The following FSTL4 variants were observed in gnomAD, a reference collection of about 807,000 sequenced individuals.
FSTL4 encodes the protein follistatin like 4.
FSTL4 carries 28 observed loss-of-function variants against 78.2 expected under a neutral mutation model. That is an observed-to-expected ratio of 0.36 (90% CI 0.27 to 0.49). The LOEUF (loss-of-function observed/expected upper bound fraction) is 0.49. Among genes scored for constraint, FSTL4 ranks in the 20% least tolerant of loss-of-function variants. FSTL4 has a pLI of 0.98. For missense variants in FSTL4, 922 were observed against 1,084.9 expected (o/e 0.85, Z 2.11); for synonymous variants, 422 against 440.5 (o/e 0.96, Z 0.53).
At chr5:133,797,186 G>A in the FSTL4 span, among the ~76,000 whole-genome samples, 1 of 152,238 alleles carries the variant, frequency 6.6e-6, no homozygotes, top group Non-Finnish European at 1.5e-5. Context: ...AGGGAGGCAG[G>A]AGTTACAGGC....
chr5:133,715,993 G>A, the FSTL4 span, among the ~76,000 whole-genome samples: 3 of 152,158 alleles, frequency 2.0e-5, no homozygotes, highest in African/African-American at 4.8e-5. Context: ...GCACCATGCC[G>A]GCTCCTTAAG....
chr5:133,263,113 T>G (rs547476914), intron 6 of FSTL4, among the ~76,000 whole-genome samples: 2 of 151,820 alleles, frequency 1.3e-5, no homozygotes, highest in Admixed American at 6.6e-5. Context: ...AATACTGGGG[T>G]TTTGGCCTGA....
chr5:133,788,600 G>A, the FSTL4 span, among the ~76,000 whole-genome samples: 2 of 152,184 alleles, frequency 1.3e-5, no homozygotes, highest in African/African-American at 4.8e-5. Context: ...TCTGAGCAGA[G>A]GCCAAATAAA....
chr5:133,503,525 G>A (rs917471465), intron 3 of FSTL4, among the ~76,000 whole-genome samples: 1 of 152,138 alleles, frequency 6.6e-6, no homozygotes, highest in Non-Finnish European at 1.5e-5. Context: ...GAGACAAGGA[G>A]ACTCAGCCTC....
chr5:133,570,143 A>G (rs1381488654), intron 2 of FSTL4, among the ~76,000 whole-genome samples: 2 of 151,486 alleles, frequency 1.3e-5, no homozygotes, highest in Non-Finnish European at 2.9e-5. Flanking sequence ...CGGGAGGTGG[A>G]GCTTGCAGTG....
chr5:133,746,435 A>G, the FSTL4 span, among the ~76,000 whole-genome samples: 1 of 152,132 alleles, frequency 6.6e-6, no homozygotes, highest in Non-Finnish European at 1.5e-5. Context: ...TACAAAGCAA[A>G]AAAAAATGTA....
chr5:133,265,905 T>C (rs1752630987), intron 6 of FSTL4, among the ~76,000 whole-genome samples: 1 of 151,970 alleles, frequency 6.6e-6, no homozygotes, highest in Non-Finnish European at 1.5e-5. Flanking sequence ...CTGAGTGTGG[T>C]TGGGACTTCA....
rs545337917 is a variant in FSTL4, at chr5:133,366,874, T to A, written c.409+33864A>T. Among the ~76,000 whole-genome samples the A allele has an allele frequency of 1.4e-3, 210 of 152,230 alleles. 4 individuals carry two copies. The highest frequency in any genetic ancestry group is 8.1e-3 in the Admixed American group (124 of 15,298). On this transcript the variant is annotated intron_variant, in intron 4 of 15. Transcript: ENST00000265342. ...TAATAGCTTGAAAAGGCCAAAAAAA[T>A]TCCTACAATTCCCTTTGCTTAATTT...
chr5:133,297,532 G>T (rs185100230), intron 6 of FSTL4, among the ~76,000 whole-genome samples: 1 of 152,164 alleles, frequency 6.6e-6, no homozygotes, highest in East Asian at 1.9e-4. Context: ...AATGAGACAC[G>T]TGGTATCTTT....
the FSTL4 span, among the ~76,000 whole-genome samples, chr5:133,641,452 T>G: frequency 4.6e-5 from 7 of 152,202 alleles, no homozygotes; most frequent in Admixed American, 2.0e-4. Context: ...CTTTCTTTGC[T>G]GAGAGGCACT....
chr5:133,381,870 C>T (rs1297780243), intron 4 of FSTL4, among the ~76,000 whole-genome samples: 1 of 152,220 alleles, frequency 6.6e-6, no homozygotes, highest in Admixed American at 6.5e-5. Flanking sequence ...GGCCGGGATG[C>T]CGTGGACTGA....
intron 3 of FSTL4, among the ~76,000 whole-genome samples, chr5:133,478,351 T>C (rs1757961535): frequency 6.6e-6 from 1 of 152,204 alleles, no homozygotes; most frequent in Non-Finnish European, 1.5e-5. Flanking sequence ...AAATTCTAAC[T>C]GTATTGGTGA....
At chr5:133,585,214 C>A in intron 2 of FSTL4, among the ~76,000 whole-genome samples, 1 of 46,138 alleles carries the variant, frequency 2.2e-5, no homozygotes, top group Non-Finnish European at 4.4e-5. Flanking sequence ...TAGGAAGAAA[C>A]TGCATCAACT....
chr5:133,608,881 C>T (rs971781053), intron 1 of FSTL4, among the ~76,000 whole-genome samples: 3 of 152,114 alleles, frequency 2.0e-5, no homozygotes, highest in Non-Finnish European at 4.4e-5. Context: ...ACCCAGAGAA[C>T]GCACACAGGC....
At chr5:133,636,308 C>T in the FSTL4 span, among the ~76,000 whole-genome samples, 42,827 of 152,006 alleles carry the variant, frequency 0.28, 6,339 homozygotes, top group Non-Finnish European at 0.31. Flanking sequence ...GCTCCACTCT[C>T]TGAGTGGGAT....
chr5:133,362,667 T>C (rs576121661), intron 4 of FSTL4, among the ~76,000 whole-genome samples: 1 of 152,342 alleles, frequency 6.6e-6, no homozygotes, highest in Non-Finnish European at 1.5e-5. Context: ...CCCTTGCCCA[T>C]GGAGACTGGA....
At chr5:133,583,528 G>C (rs1760483822) in intron 2 of FSTL4, 7 of 179,582 alleles carry the variant, frequency 3.9e-5, no homozygotes, top group South Asian at 3.6e-4. Context: ...GTCAAAGAAA[G>C]GGGTGACGGA....
intron 3 of FSTL4, among the ~76,000 whole-genome samples, chr5:133,480,713 C>T (rs901232931): frequency 1.3e-5 from 2 of 152,118 alleles, no homozygotes; most frequent in African/African-American, 4.8e-5. Flanking sequence ...GGGCAGTCCC[C>T]TTGCAATCTA....
the FSTL4 span, among the ~76,000 whole-genome samples, chr5:133,816,271 T>C: frequency 6.6e-6 from 1 of 152,188 alleles, no homozygotes; most frequent in African/African-American, 2.4e-5. Flanking sequence ...TCCAAATACA[T>C]GGTTCCCAGC....
Sources: gnomAD v4.1 joint callset for allele counts (sites outside exome capture counted in the v4.1 genomes callset) on GRCh38, gnomAD v4.1.1 for gene constraint, MANE v1.5 for transcripts, NCBI Gene and HGNC (gene_info 2026-07-23, HGNC 2026-07-21) for gene names.